The following DNHD1 variants were observed in gnomAD, a reference collection of about 807,000 sequenced individuals.
DNHD1 encodes the protein dynein heavy chain domain 1.
DNHD1 carries 383 observed loss-of-function variants against 458.1 expected under a neutral mutation model. That is an observed-to-expected ratio of 0.84 (90% CI 0.77 to 0.91). The LOEUF (loss-of-function observed/expected upper bound fraction) is 0.91. DNHD1 is among the 40% of genes least tolerant of loss of function. The pLI, the probability that DNHD1 is intolerant of heterozygous loss-of-function variation, is 0.00. For missense variants in DNHD1, 5,336 were observed against 5,866.1 expected, an observed-to-expected ratio of 0.91 and a Z score of 2.95; for synonymous variants, 2,203 against 2,376.9, an observed-to-expected ratio of 0.93 and a Z score of 2.13.
intron 10 of DNHD1, among the ~76,000 whole-genome samples, chr11:6,527,008 G>C (rs1394199748): frequency 6.6e-6 from 1 of 152,196 alleles, no homozygotes; most frequent in Non-Finnish European, 1.5e-5. Flanking sequence ...GTTGCAGATG[G>C]TTTGACCCCA....
chr11:6,570,644 G>A lies in DNHD1; in HGVS notation c.13132G>A (p.Glu4378Lys). 6.2e-7 allele frequency: 1 copy of A among 1,610,250 alleles called. No homozygotes were observed. Among genetic ancestry groups the A allele is most frequent in the East Asian group, 2.2e-5 (1 of 44,730 alleles). Reference protein sequence around the residue: ...PELRELDAMAECKAQMHLLPS... With the variant: ...PELRELDAMAKCKAQMHLLPS... ...GCTAAGGGAGCTGGATGCAATGGCA[G>A]AGTGCAAGGCCCAGATGCACCTACT... The change falls in exon 42 of 43, where the codon GAG becomes AAG. Residue 4378 changes from glutamate (E) to lysine (K), a missense_variant. By Grantham distance (56) the Glu-to-Lys change is moderately conservative (BLOSUM62 1). Around this residue, in one of 4 missense-constraint regions of DNHD1, gnomAD observed 698 missense variants for 664.9 expected, o/e 1.05. Coordinates refer to ENST00000254579, the MANE Select transcript of DNHD1 (RefSeq NM_144666.3).
chr11:6,527,715 A>T lies in DNHD1; in HGVS notation c.1838-807A>T, dbSNP rs528316019. ...GGATGAGATTTCCTAGAGAGTGAGT[A>T]CAGTTGGAGAAGAGAAGAGATCAGC... On this transcript the variant is annotated intron_variant, in intron 10 of 42. Coordinates refer to ENST00000254579, the MANE Select transcript of DNHD1 (RefSeq NM_144666.3). Among the ~76,000 whole-genome samples, 132 of 152,346 alleles carry T rather than the reference A, an allele frequency of 8.7e-4. 1 individual carries two copies. Among genetic ancestry groups the T allele is most frequent in the Middle Eastern group, 3.4e-3 (1 of 294 alleles).
At chr11:6,500,969 A>G (rs2134362898) in intron 3 of DNHD1, among the ~76,000 whole-genome samples, 1 of 151,936 alleles carries the variant, frequency 6.6e-6, no homozygotes, top group Non-Finnish European at 1.5e-5. Context: ...AGAGAGAGAG[A>G]GGGAGTGTAG....
At position 6,534,139 on chromosome 11, in the gene DNHD1, C is replaced by T. The variant is rs544276203; in HGVS notation, c.2964C>T (p.Leu988=). ...AGTTCCAGAACACAGTCAGCGACCTCAGTGAACTGCACCACGCCTATGCCA... is the reference window on the plus strand; with the variant it reads ...AGTTCCAGAACACAGTCAGCGACCTTAGTGAACTGCACCACGCCTATGCCA... ...ERQFQNTVSD[L]SELHHAYAIF... The change falls in exon 14 of 43, where the codon CTC becomes CTT. Residue 988 remains leucine (L), a synonymous_variant. Transcript: ENST00000254579. The T allele has an allele frequency of 6.4e-7, 1 of 1,551,288 alleles. No individual in the cohort carries two copies. The highest frequency in any genetic ancestry group is 8.7e-7 in the Non-Finnish European group (1 of 1,146,926).
intron 16 of DNHD1, 74 bp from the exon 17 acceptor site, chr11:6,539,145 C>A: frequency 9.4e-7 from 1 of 1,066,000 alleles, no homozygotes; most frequent in East Asian, 2.6e-5. Context: ...CTGGGCTGGG[C>A]TCTGGGATAT....
Position 6,497,858 on chromosome 11 carries a change from G to A in DNHD1, c.-358G>A. 4.0e-6 allele frequency: 1 copy of A among 247,404 alleles called. No individual in the cohort carries two copies. The highest frequency in any genetic ancestry group is 7.9e-6 in the Non-Finnish European group (1 of 127,172). 15.3% of individuals were successfully genotyped at this position (247,404 alleles called of 1,614,324 possible). The stretch of plus-strand genomic sequence containing the variant: ...CCCCTAGGCCAGGTGAGGGGGACAG[G>A]GTACTGGGAGGTAAGAAGGAACTCT... On this transcript the variant is annotated 5_prime_UTR_variant, in exon 3 of 43. Transcript: ENST00000254579.
Position 6,508,874 on chromosome 11 carries a change from T to C in DNHD1, c.921-6T>C. On this transcript the variant is annotated splice_polypyrimidine_tract_variant and splice_region_variant and intron_variant, in intron 4 of 42. Coordinates refer to ENST00000254579, the MANE Select transcript of DNHD1 (RefSeq NM_144666.3). The stretch of plus-strand genomic sequence containing the variant: ...GCCTTCACTGATCAGAGCTCTTTTT[T>C]TAAAGGCCTTACAGCCTGATGGTGG... The C allele has an allele frequency of 6.2e-7, 1 of 1,613,920 alleles. No homozygotes were observed. The highest frequency in any genetic ancestry group is 1.7e-5 in the Admixed American group (1 of 60,006).
At chr11:6,568,615 G>A in intron 38 of DNHD1, 39 bp downstream of exon 38, 2 of 1,613,818 alleles carry the variant, frequency 1.2e-6, no homozygotes, top group Non-Finnish European at 1.7e-6. Context: ...CAAATTGGAA[G>A]TGGGAGGGCA....
chr11:6,528,449 G>A, intron 10 of DNHD1, 73 bp from the exon 11 acceptor site: 1 of 1,424,882 alleles, frequency 7.0e-7, no homozygotes, highest in Non-Finnish European at 9.4e-7. Flanking sequence ...ACACACTGAG[G>A]GCAAGGAGAA....
Position 6,546,760 on chromosome 11 carries a change from C to T in DNHD1, c.5821C>T (p.Gln1941Ter). ...LLCALFPSAS[Q>*]VLAEPMTYKL... ...GTGTGCGCTTTTCCCTAGCGCCAGC[C>T]AAGTGCTGGCAGAACCTATGACTTA... The change falls in exon 21 of 43, where the codon CAA (glutamine) becomes TAA (stop). Residue 1941 changes from glutamine (Q) to a stop codon, truncating the protein, a stop_gained. Transcript: ENST00000254579. LOFTEE classifies it high-confidence loss of function. 6.4e-7 allele frequency: 1 copy of T among 1,551,816 alleles called. No homozygotes were observed. The highest frequency in any genetic ancestry group is 8.7e-7 in the Non-Finnish European group (1 of 1,147,014).
At chr11:6,519,206 GC>G (rs1465755423) in intron 7 of DNHD1, among the ~76,000 whole-genome samples, 1 of 152,140 alleles carries the variant, frequency 6.6e-6, no homozygotes, top group East Asian at 1.9e-4. Context: ...ACATCACCTA[GC>G]CTAATTATTA....
At chr11:6,569,975 A>AT in intron 39 of DNHD1, 34 bp from the exon 40 acceptor site, 1 of 1,582,800 alleles carries the variant, frequency 6.3e-7, no homozygotes, top group Non-Finnish European at 8.7e-7. Flanking sequence ...TATAGATGAT[A>AT]TGTGAAACCC....
Position 6,538,699 on chromosome 11 carries a change from GT to G in DNHD1, c.3215del (p.Val1072GlyfsTer47). 1 of 1,550,172 alleles carries G rather than the reference GT, an allele frequency of 6.5e-7. No individual in the cohort carries two copies. The highest frequency in any genetic ancestry group is 8.7e-7 in the Non-Finnish European group (1 of 1,146,048). Reference protein sequence around the residue: ...MSTTLELHSPVLQHCMRILGE... With the variant: ...MSTTLELHSPXLQHCMRILGE... Reference sequence around the variant, plus strand: ...CACAACCCTGGAGCTGCACAGCCCCGTGCTGCAGCACTGCATGCGCATCCTG... The same window carrying G: ...CACAACCCTGGAGCTGCACAGCCCCGGCTGCAGCACTGCATGCGCATCCTG... On this transcript the variant is annotated frameshift_variant, in exon 16 of 43. Transcript: ENST00000254579.
At position 6,563,451 on chromosome 11, in the gene DNHD1, C is replaced by T. The variant is rs1238963066; in HGVS notation, c.9739C>T (p.Arg3247Ter). The change falls in exon 30 of 43, where the codon CGA (arginine) becomes TGA (stop). Residue 3247 changes from arginine (R) to a stop codon, truncating the protein, a stop_gained. Transcript: ENST00000254579. LOFTEE classifies it high-confidence loss of function. ...VADFEEIRSY[R>*]APPESVVRVT... The stretch of plus-strand genomic sequence containing the variant: ...TGACTTTGAGGAGATACGGAGCTAT[C>T]GAGCACCACCAGAATCTGTGGTCCG... 2 of 1,551,684 alleles carry T rather than the reference C, an allele frequency of 1.3e-6. No individual in the cohort carries two copies. Among genetic ancestry groups the T allele is most frequent in the East Asian group, 2.4e-5 (1 of 40,916 alleles).
At chr11:6,512,720 A>G (rs763108896) in intron 7 of DNHD1, among the ~76,000 whole-genome samples, 1 of 152,130 alleles carries the variant, frequency 6.6e-6, no homozygotes, top group Non-Finnish European at 1.5e-5. Context: ...TCTCACCTTT[A>G]AAAATACTAT....
At position 6,508,956 on chromosome 11, in the gene DNHD1, C is replaced by G. The variant is rs1852280885; in HGVS notation, c.997C>G (p.His333Asp). ...HYIFSPFGIL[H>D]VHPVEGSETM... ...CATCTTCTCTCCCTTTGGGATCTTG[C>G]ATGTACATCCTGTGGAAGGTAGCGA... Residue 333 changes from histidine to aspartate, a missense_variant, in exon 5 of 43, where the codon CAT becomes GAT. By Grantham distance (81) the His-to-Asp change is moderately conservative (BLOSUM62 -1). This residue lies in a region of DNHD1 where 3,932 missense variants were observed against 4,365.6 expected (regional missense o/e 0.90). Transcript: ENST00000254579. The G allele has an allele frequency of 6.2e-7, 1 of 1,614,080 alleles. No homozygotes were observed. The highest frequency in any genetic ancestry group is 8.5e-7 in the Non-Finnish European group (1 of 1,180,054).
rs770603625 is a variant in DNHD1, at chr11:6,567,724, C to T, written c.12215C>T (p.Thr4072Met). Reference protein sequence around the residue: ...SLLGRPLDENTYAPTMPFKHS... With the variant: ...SLLGRPLDENMYAPTMPFKHS... ...CTGGGTCGGCCCCTGGATGAAAACACGTATGCTCCCACCATGCCCTTTAAA... is the reference window on the plus strand; with the variant it reads ...CTGGGTCGGCCCCTGGATGAAAACATGTATGCTCCCACCATGCCCTTTAAA... Residue 4072 changes from threonine (T) to methionine (M), a missense_variant, in exon 36 of 43, where the codon ACG (threonine) becomes ATG (methionine). This residue lies in a region of DNHD1 where 695 missense variants were observed against 804.2 expected (regional missense o/e 0.86). Transcript: ENST00000254579. The T allele has an allele frequency of 6.2e-6, 10 of 1,613,798 alleles. No homozygotes were observed. Among genetic ancestry groups the T allele is most frequent in the Admixed American group, 1.7e-5 (1 of 60,018 alleles).
chr11:6,566,556 A>G, intron 34 of DNHD1, 31 bp from the exon 35 acceptor site: 3 of 1,610,798 alleles, frequency 1.9e-6, no homozygotes, highest in Non-Finnish European at 2.5e-6. Context: ...GCCAAGGGGA[A>G]GAGGTTAAGC....
chr11:6,570,703 G>A lies in DNHD1; in HGVS notation c.13191G>A (p.Leu4397=). The A allele has an allele frequency of 1.9e-6, 3 of 1,611,352 alleles. No individual in the cohort carries two copies. Among genetic ancestry groups the A allele is most frequent in the Non-Finnish European group, 2.5e-6 (3 of 1,178,808 alleles). Residue 4397 remains leucine (L), a synonymous_variant, in exon 42 of 43, where the codon CTG becomes CTA. Coordinates refer to ENST00000254579, the MANE Select transcript of DNHD1 (RefSeq NM_144666.3). ...PSPPEPRLCG[L]SEGPQAWLLR... ...CACCTGAACCCCGGCTCTGCGGACT[G>A]AGTGAGGGCCCCCAAGCCTGGCTGT...
Sources: gnomAD v4.1 joint callset for allele counts (sites outside exome capture counted in the v4.1 genomes callset) on GRCh38, gnomAD v4.1.1 for gene constraint, gnomAD v4.1.1 regional missense constraint, MANE v1.5 for transcripts, NCBI Gene and HGNC (gene_info 2026-07-23, HGNC 2026-07-21) for gene names.